Variants in CAPZB observed in about 807,000 individuals in gnomAD.
CAPZB encodes F-actin-capping protein subunit beta.
In CAPZB, 2 loss-of-function variants were observed where a neutral mutation model predicts 38.1. That is an observed-to-expected ratio of 0.05 (90% CI 0.02 to 0.17). The LOEUF (loss-of-function observed/expected upper bound fraction) is 0.17. Among genes scored for constraint, CAPZB ranks in the 10% least tolerant of loss-of-function variants. The pLI, the probability that CAPZB is intolerant of heterozygous loss-of-function variation, is 1.00. For missense variants in CAPZB, 161 were observed against 334.2 expected (o/e 0.48, Z 4.04); for synonymous variants, 107 against 127.4 (o/e 0.84, Z 1.08).
chr1:19,462,944 T>C (rs1484615560), intron 1 of CAPZB, among the ~76,000 whole-genome samples: 1 of 152,238 alleles, frequency 6.6e-6, no homozygotes, highest in East Asian at 1.9e-4. Flanking sequence ...TGTATGTGGA[T>C]AGTGATTATG....
At chr1:19,412,815 C>T (rs773491019) in intron 2 of CAPZB, among the ~76,000 whole-genome samples, 3 of 152,084 alleles carry the variant, frequency 2.0e-5, no homozygotes, top group East Asian at 1.9e-4. Flanking sequence ...TAGCTGGGCA[C>T]GACCATTAAA....
In CAPZB at chr1:19,344,369, G is replaced by T; in HGVS notation, c.720C>A (p.Val240=). Residue 240 remains valine (V), a synonymous_variant, in exon 8 of 9, where the codon GTC becomes GTA. Transcript: ENST00000264202. The part of the protein sequence containing the change: ...EIYFGKTKDI[V]NGLRSVQTFA... ...TTCTGGTACATTACCTCAGCCCATT[G>T]ACGATATCCTTTGTTTTTCCAAAGT... 1 of 1,612,576 alleles carries T rather than the reference G, an allele frequency of 6.2e-7. No individual in the cohort carries two copies. Among genetic ancestry groups the T allele is most frequent in the East Asian group, 2.2e-5 (1 of 44,866 alleles).
At chr1:19,431,796 G>C (rs1441283104) in intron 1 of CAPZB, among the ~76,000 whole-genome samples, 1 of 151,822 alleles carries the variant, frequency 6.6e-6, no homozygotes. Flanking sequence ...ACTACTTCGG[G>C]CTGCAAGCAA....
At chr1:19,406,228 C>T (rs1371569019) in intron 2 of CAPZB, among the ~76,000 whole-genome samples, 1 of 152,234 alleles carries the variant, frequency 6.6e-6, no homozygotes, top group Non-Finnish European at 1.5e-5. Context: ...CCACGCATCC[C>T]TTCTAAAGCT....
intron 1 of CAPZB, among the ~76,000 whole-genome samples, chr1:19,458,886 A>G (rs2094541606): frequency 1.3e-5 from 2 of 152,236 alleles, no homozygotes; most frequent in East Asian, 3.8e-4. Context: ...ATTTAAGCCC[A>G]ATTCTGAAAA....
chr1:19,419,043 A>G (rs1315747681), intron 2 of CAPZB, among the ~76,000 whole-genome samples: 1 of 152,232 alleles, frequency 6.6e-6, no homozygotes, highest in East Asian at 1.9e-4. Flanking sequence ...CTATGGCTTT[A>G]TAGATGTTTT....
intron 1 of CAPZB, among the ~76,000 whole-genome samples, chr1:19,470,922 G>C (rs2094584884): frequency 6.6e-6 from 1 of 152,206 alleles, no homozygotes; most frequent in South Asian, 2.1e-4. Flanking sequence ...TGCCTTCCTA[G>C]CTCTGAGGCC....
At chr1:19,411,748 A>G (rs2094357770) in intron 2 of CAPZB, among the ~76,000 whole-genome samples, 1 of 152,196 alleles carries the variant, frequency 6.6e-6, no homozygotes, top group African/African-American at 2.4e-5. Flanking sequence ...GGCCAAATCT[A>G]TGAGGGAGCT....
chr1:19,481,651 G>A (rs1256703050), intron 1 of CAPZB, among the ~76,000 whole-genome samples: 2 of 152,122 alleles, frequency 1.3e-5, no homozygotes, highest in Admixed American at 6.5e-5. Flanking sequence ...GTTTCATTTC[G>A]GGGCCCCAGA....
intron 4 of CAPZB, among the ~76,000 whole-genome samples, chr1:19,364,174 A>G (rs1043853181): frequency 1.5e-4 from 23 of 152,252 alleles, no homozygotes; most frequent in South Asian, 4.1e-4. Context: ...GGGAAAGGCA[A>G]TATTTGGCAC....
At position 19,357,746 on chromosome 1, in the gene CAPZB, G is replaced by T. The variant is rs1338355794; in HGVS notation, c.330-183C>A. Among the ~76,000 whole-genome samples the T allele has an allele frequency of 6.6e-6, 1 of 151,906 alleles. No individual in the cohort carries two copies. Among genetic ancestry groups the T allele is most frequent in the East Asian group, 1.9e-4 (1 of 5,186 alleles). ...GGGGAGGGGGTGCAGCATTCCTGGG[G>T]GTGTAGTAGGTTTAGGCGTCATAAA... On this transcript the variant is annotated intron_variant, in intron 4 of 8. Transcript: ENST00000264202. The surrounding 1 kb of genome is among the most constrained non-coding windows in gnomAD (Gnocchi z 4.3).
At chr1:19,382,096 C>T (rs1240197292) in intron 3 of CAPZB, among the ~76,000 whole-genome samples, 1 of 152,116 alleles carries the variant, frequency 6.6e-6, no homozygotes, top group Non-Finnish European at 1.5e-5. Flanking sequence ...GAAGACCCGA[C>T]CCAAGTGGCG....
At chr1:19,397,918 G>C (rs2094281146) in intron 2 of CAPZB, among the ~76,000 whole-genome samples, 1 of 152,140 alleles carries the variant, frequency 6.6e-6, no homozygotes, top group South Asian at 2.1e-4. Flanking sequence ...ACTGATCTGG[G>C]GGGCTCATGA....
At chr1:19,429,816 C>T (rs1216726272) in intron 1 of CAPZB, among the ~76,000 whole-genome samples, 1 of 152,116 alleles carries the variant, frequency 6.6e-6, no homozygotes, top group Non-Finnish European at 1.5e-5. Flanking sequence ...TAAGCACCCA[C>T]AAAGGAGGGC....
chr1:19,382,887 C>T (rs1285519516), intron 3 of CAPZB, among the ~76,000 whole-genome samples: 1 of 152,092 alleles, frequency 6.6e-6, no homozygotes, highest in African/African-American at 2.4e-5. Context: ...AACTGCATGC[C>T]GGGCGAGAAT....
At chr1:19,363,752 A>G (rs2094067324) in intron 4 of CAPZB, among the ~76,000 whole-genome samples, 1 of 152,128 alleles carries the variant, frequency 6.6e-6, no homozygotes, top group Non-Finnish European at 1.5e-5. Context: ...GGGGCTGCAA[A>G]TCTAACAGGG....
rs191773221 is a variant in CAPZB, at chr1:19,374,993, G to C, written c.329+3547C>G. Among the ~76,000 whole-genome samples, 62 of 152,228 alleles carry C rather than the reference G, an allele frequency of 4.1e-4. 1 individual carries two copies. The East Asian group carries it at 0.01, about 26-fold the overall frequency. On this transcript the variant is annotated intron_variant, in intron 4 of 8. Transcript: ENST00000264202. The stretch of plus-strand genomic sequence containing the variant: ...CCCTAGAAAACCGAGTGTGACCCTG[G>C]CCAATGCCCCTCAGGAGACAAGGCC...
At chr1:19,415,715 T>C (rs1490253068) in intron 2 of CAPZB, among the ~76,000 whole-genome samples, 1 of 152,216 alleles carries the variant, frequency 6.6e-6, no homozygotes, top group Non-Finnish European at 1.5e-5. Flanking sequence ...TATAGTTTTT[T>C]TTCAGTAGAG....
At chr1:19,353,816 C>T (rs1412443032) in intron 6 of CAPZB, among the ~76,000 whole-genome samples, 1 of 152,222 alleles carries the variant, frequency 6.6e-6, no homozygotes, top group Non-Finnish European at 1.5e-5. Flanking sequence ...GCGGGAGGGG[C>T]CCAGAGGGCA....
Sources: allele counts gnomAD v4.1 joint callset (sites outside exome capture counted in the v4.1 genomes callset), GRCh38; gene constraint gnomAD v4.1.1; non-coding constraint Gnocchi (gnomAD v3.1); transcripts MANE v1.5; gene names NCBI Gene and HGNC (gene_info 2026-07-23, HGNC 2026-07-21).